LY6S: variants seen among roughly 807,000 people sequenced by gnomAD.
LY6S encodes the protein lymphocyte antigen 6S.
At chr8:143,048,055 G>C in the LY6S span, 2 of 152,230 alleles carry the variant, frequency 1.3e-5, no homozygotes, top group Non-Finnish European at 2.9e-5. Context: ...CCTCACAGCA[G>C]CCGCCAACGT....
chr8:143,043,349 G>A, the LY6S span: 1 of 922,262 alleles, frequency 1.1e-6, no homozygotes, highest in South Asian at 1.5e-5. Context: ...CTGCGAGAGA[G>A]CGGGGTGGGG....
the LY6S span, chr8:143,057,511 G>A: frequency 1.3e-6 from 1 of 769,222 alleles, no homozygotes; most frequent in Non-Finnish European, 2.2e-6. Flanking sequence ...GCCTCCCAAA[G>A]TGCTGGGATT....
At chr8:143,065,747 T>C in the LY6S span, among the ~76,000 whole-genome samples, 1 of 149,168 alleles carries the variant, frequency 6.7e-6, no homozygotes, top group African/African-American at 2.5e-5. Context: ...TTTCTTTCTC[T>C]TTCTTTCTTT....
chr8:143,063,937 G>A, the LY6S span, among the ~76,000 whole-genome samples: 1 of 152,178 alleles, frequency 6.6e-6, no homozygotes, highest in Non-Finnish European at 1.5e-5. Context: ...TACACAAGGA[G>A]CCAGCCTTTG....
At chr8:143,043,301 G>A in the LY6S span, 1 of 1,237,528 alleles carries the variant, frequency 8.1e-7, no homozygotes, top group Non-Finnish European at 1.1e-6. Flanking sequence ...CCTTCTGGCA[G>A]GAGAGGAGGG....
At chr8:143,060,554 G>C in the LY6S span, among the ~76,000 whole-genome samples, 2 of 152,198 alleles carry the variant, frequency 1.3e-5, no homozygotes, top group Non-Finnish European at 2.9e-5. Context: ...CTGTCTGGTG[G>C]ACACATGACT....
chr8:143,049,557 C>T, the LY6S span, among the ~76,000 whole-genome samples: 1 of 152,226 alleles, frequency 6.6e-6, no homozygotes, highest in Admixed American at 6.5e-5. Flanking sequence ...CATGCGAAGA[C>T]CCTCTTTTAT....
the LY6S span, among the ~76,000 whole-genome samples, chr8:143,070,512 A>T: frequency 8.9e-6 from 1 of 111,902 alleles, no homozygotes; most frequent in South Asian, 2.8e-4. Context: ...TTTGAGATGG[A>T]TTCTCGCCCT....
At chr8:143,070,805 T>C in the LY6S span, among the ~76,000 whole-genome samples, 2 of 152,082 alleles carry the variant, frequency 1.3e-5, no homozygotes, top group South Asian at 2.1e-4. Context: ...TATGTTTTTA[T>C]GTATTATTTC....
the LY6S span, among the ~76,000 whole-genome samples, chr8:143,058,378 C>T: frequency 3.2e-4 from 48 of 152,300 alleles, no homozygotes; most frequent in Admixed American, 2.0e-3. Flanking sequence ...GGTAAGGTCA[C>T]GTGGGTTGCG....
At chr8:143,049,440 A>G in the LY6S span, 5 of 380,592 alleles carry the variant, frequency 1.3e-5, no homozygotes, top group African/African-American at 8.4e-5. Context: ...AATCAGGGAC[A>G]ATGGTCAGAA....
chr8:143,067,186 C>G, the LY6S span, among the ~76,000 whole-genome samples: 4 of 152,170 alleles, frequency 2.6e-5, no homozygotes, highest in Non-Finnish European at 4.4e-5. Context: ...AAAGAGAGAT[C>G]AGATTGTTAC....
At chr8:143,060,474 A>C in the LY6S span, among the ~76,000 whole-genome samples, 2 of 152,022 alleles carry the variant, frequency 1.3e-5, no homozygotes, top group African/African-American at 4.8e-5. Flanking sequence ...CCAGAACTAC[A>C]TAGAAGAAAT....
the LY6S span, among the ~76,000 whole-genome samples, chr8:143,052,260 GAC>G: frequency 4.6e-5 from 7 of 152,056 alleles, no homozygotes; most frequent in African/African-American, 1.7e-4. Flanking sequence ...CAGCCTGGGG[GAC>G]ACAGCGAGAC....
chr8:143,044,785 C>T, the LY6S span: 28 of 1,367,324 alleles, frequency 2.0e-5, 1 homozygote, highest in African/African-American at 2.8e-4. Flanking sequence ...GCATCTGTAG[C>T]AGCGCAGACC....
the LY6S span, among the ~76,000 whole-genome samples, chr8:143,059,169 C>T: frequency 2.0e-5 from 3 of 152,118 alleles, no homozygotes; most frequent in Non-Finnish European, 4.4e-5. Flanking sequence ...GCAGGGATTA[C>T]AGTCATGAGC....
chr8:143,042,894 G>A, the LY6S span: 11 of 726,640 alleles, frequency 1.5e-5, no homozygotes, highest in Non-Finnish European at 2.4e-5. Flanking sequence ...TTGTTGGGGG[G>A]CATGGGCTGG....
At chr8:143,075,260 T>C in the LY6S span, among the ~76,000 whole-genome samples, 6 of 152,206 alleles carry the variant, frequency 3.9e-5, no homozygotes, top group East Asian at 3.8e-4. This position sits in a 1 kb window ranked among gnomAD's most constrained non-coding sequence, Gnocchi z 4.1. Context: ...TTTTCTTCAG[T>C]TGAGTTTTGA....
chr8:143,059,171 G>T, the LY6S span, among the ~76,000 whole-genome samples: 1 of 152,122 alleles, frequency 6.6e-6, no homozygotes, highest in Non-Finnish European at 1.5e-5. Context: ...AGGGATTACA[G>T]TCATGAGCCA....
Sources: allele counts gnomAD v4.1 joint callset (sites outside exome capture counted in the v4.1 genomes callset), GRCh38; gene constraint gnomAD v4.1.1; non-coding constraint Gnocchi (gnomAD v3.1); transcripts MANE v1.5; gene names NCBI Gene and HGNC (gene_info 2026-07-23, HGNC 2026-07-21).